The following DPYSL2 variants were observed in gnomAD, a reference collection of about 807,000 sequenced individuals.
DPYSL2 encodes the protein dihydropyrimidinase like 2, also known as dihydropyrimidinase-related protein 2.
DPYSL2 carries 13 observed loss-of-function variants against 69.9 expected under a neutral mutation model. The ratio of observed to expected loss-of-function variants is 0.19; its 90% CI spans 0.12 to 0.30. DPYSL2 has a LOEUF of 0.30. Ranked by LOEUF, DPYSL2 falls within the 10% of genes least tolerant of loss-of-function variation. DPYSL2 has a pLI of 1.00. For synonymous variants in DPYSL2, 326 were observed against 359.1 expected, an observed-to-expected ratio of 0.91 and a Z score of 1.04; for missense variants, 587 against 918.9, an observed-to-expected ratio of 0.64 and a Z score of 4.67.
rs1235165074 is a variant in DPYSL2, at chr8:26,562,826, T to G, written c.355-19143T>G. Among the ~76,000 whole-genome samples the G allele has an allele frequency of 6.6e-6, 1 of 152,196 alleles. No homozygotes were observed. Among genetic ancestry groups the G allele is most frequent in the Non-Finnish European group, 1.5e-5 (1 of 68,048 alleles). On this transcript the variant is annotated intron_variant, in intron 1 of 13. Coordinates refer to ENST00000521913, the MANE Select transcript of DPYSL2 (RefSeq NM_001197293.3). The surrounding 1 kb of genome is among the most constrained non-coding windows in gnomAD (Gnocchi z 4.9). ...AGGGCCGTATCTGGGAAAACTTGAA[T>G]GGCTTTGGGTGACTTGAACAACCGG...
In DPYSL2 at chr8:26,619,538, G is replaced by C. The variant is rs1802434175; in HGVS notation, c.629-4605G>C. The C allele has an allele frequency of 1.3e-5, 2 of 152,238 alleles. No individual in the cohort carries two copies. The highest frequency in any genetic ancestry group is 6.5e-5 in the Admixed American group (1 of 15,276). 9.4% of individuals were successfully genotyped at this position (152,238 alleles called of 1,614,324 possible). A position where few individuals can be genotyped will look rare whatever the true frequency, so the allele number is the denominator to read the frequency against. ...ACAGGCCCCTCGTGGTAAATGGAGA[G>C]CAGTGAATGGAGGTGGAGGGAGAAG... On this transcript the variant is annotated intron_variant, in intron 3 of 13. Coordinates refer to ENST00000521913, the MANE Select transcript of DPYSL2 (RefSeq NM_001197293.3). The surrounding 1 kb of genome is among the most constrained non-coding windows in gnomAD (Gnocchi z 4.8).
At chr8:26,645,297 G>A (rs546341673) in intron 10 of DPYSL2, among the ~76,000 whole-genome samples, 1 of 152,250 alleles carries the variant, frequency 6.6e-6, no homozygotes, top group Admixed American at 6.5e-5. Context: ...TACTCGGTGT[G>A]GGGGAGGCAG....
rs866258698 is a variant in DPYSL2 at position 26,516,071 on chromosome 8, C to A, written c.354+1392C>A. Among the ~76,000 whole-genome samples, 1 of 152,136 alleles carries A rather than the reference C, an allele frequency of 6.6e-6. No homozygotes were observed. Among genetic ancestry groups the A allele is most frequent in the South Asian group, 2.1e-4 (1 of 4,822 alleles). ...GCTTTTGACTTTTGTAGGGTCAAGT[C>A]TAGGAAAAACAAGGCATTTGCTGTC... On this transcript the variant is annotated intron_variant, in intron 1 of 13. Coordinates refer to ENST00000521913, the MANE Select transcript of DPYSL2 (RefSeq NM_001197293.3). The surrounding 1 kb of genome is among the most constrained non-coding windows in gnomAD (Gnocchi z 4.8).
intron 1 of DPYSL2, among the ~76,000 whole-genome samples, chr8:26,535,430 G>A (rs570005392): frequency 5.2e-4 from 79 of 152,100 alleles, no homozygotes; most frequent in African/African-American, 1.9e-3. Context: ...TTTGGAGCAC[G>A]GGCTGGCACA....
intron 1 of DPYSL2, among the ~76,000 whole-genome samples, chr8:26,568,268 G>A (rs1459316612): frequency 6.6e-6 from 1 of 152,164 alleles, no homozygotes; most frequent in Non-Finnish European, 1.5e-5. Context: ...CCTAGGTAGA[G>A]GGGCACAGTT....
chr8:26,587,942 C>T lies in DPYSL2; in HGVS notation c.628+3959C>T, dbSNP rs528784282. Among the ~76,000 whole-genome samples, 9 of 152,280 alleles carry T rather than the reference C, an allele frequency of 5.9e-5. No individual in the cohort carries two copies. The highest frequency in any genetic ancestry group is 4.1e-4 in the South Asian group (2 of 4,824). ...ACGACTTGCCAACACTTACCCTGTGCGTCGGTGCAGGTGGCCAGGTGTGGA... is the reference window on the plus strand; with the variant it reads ...ACGACTTGCCAACACTTACCCTGTGTGTCGGTGCAGGTGGCCAGGTGTGGA... On this transcript the variant is annotated intron_variant, in intron 3 of 13. Coordinates refer to ENST00000521913, the MANE Select transcript of DPYSL2 (RefSeq NM_001197293.3). This position sits in a 1 kb window ranked among gnomAD's most constrained non-coding sequence, Gnocchi z 4.2.
chr8:26,622,185 CT>C (rs1431571870), intron 3 of DPYSL2, among the ~76,000 whole-genome samples: 1 of 127,246 alleles, frequency 7.9e-6, no homozygotes, highest in Non-Finnish European at 1.6e-5. Context: ...TTCTTTCTTT[CT>C]TTTATTTTTG....
At chr8:26,589,776 C>T (rs1013315710) in intron 3 of DPYSL2, among the ~76,000 whole-genome samples, 2 of 152,244 alleles carry the variant, frequency 1.3e-5, no homozygotes, top group Non-Finnish European at 2.9e-5. Flanking sequence ...GGAACAGCAG[C>T]TCTCTCATTG....
intron 1 of DPYSL2, chr8:26,578,631 A>G (rs1801414686): frequency 8.6e-7 from 1 of 1,163,062 alleles, no homozygotes; most frequent in Admixed American, 4.5e-5. Context: ...TTGAATATGC[A>G]TGCCTGGAGC....
rs117092033 is a variant in DPYSL2, at chr8:26,581,727, C to T, written c.355-242C>T. On this transcript the variant is annotated intron_variant, in intron 1 of 13. Coordinates refer to ENST00000521913, the MANE Select transcript of DPYSL2 (RefSeq NM_001197293.3). ...CTGCTTTTTTTTTTTCTTTGGAGTCCAAGGTCTAATTGAAAGAGATGGTTC... is the reference window on the plus strand; with the variant it reads ...CTGCTTTTTTTTTTTCTTTGGAGTCTAAGGTCTAATTGAAAGAGATGGTTC... Among the ~76,000 whole-genome samples the T allele has an allele frequency of 5.9e-5, 9 of 151,718 alleles. No homozygotes were observed. In the East Asian group the frequency reaches 1.5e-3, roughly 26 times the overall value.
At chr8:26,574,580 G>A (rs767250894) in intron 1 of DPYSL2, among the ~76,000 whole-genome samples, 2 of 152,152 alleles carry the variant, frequency 1.3e-5, no homozygotes, top group African/African-American at 2.4e-5. Flanking sequence ...TGTGATTGCG[G>A]AACAGGCAAT....
At chr8:26,602,928 A>T (rs1287090046) in intron 3 of DPYSL2, among the ~76,000 whole-genome samples, 1 of 152,220 alleles carries the variant, frequency 6.6e-6, no homozygotes, top group African/African-American at 2.4e-5. Context: ...CTGACCCTTG[A>T]AAGCCGGCTC....
rs550196475 is a variant in DPYSL2, at chr8:26,631,938, T to A, written c.1006-2842T>A. Among the ~76,000 whole-genome samples the A allele has an allele frequency of 2.0e-5, 3 of 152,324 alleles. No homozygotes were observed. The East Asian group carries it at 5.8e-4, about 29-fold the overall frequency. ...AAAGAGAACAAGTATGGAACAATTT[T>A]GTGTGAATTTTAGCTTCCCAGTCTA... is the stretch of plus-strand genomic sequence containing the variant. On this transcript the variant is annotated intron_variant, in intron 7 of 13. Transcript: ENST00000521913.
At chr8:26,581,882 T>G (rs914555624) in intron 1 of DPYSL2, 87 bp from the exon 2 acceptor site, 10 of 1,057,328 alleles carry the variant, frequency 9.5e-6, no homozygotes, top group African/African-American at 3.1e-5. Context: ...TTTTGAACAG[T>G]GAAAATGTAT....
intron 1 of DPYSL2, among the ~76,000 whole-genome samples, chr8:26,555,582 A>C (rs1350830210): frequency 1.3e-5 from 2 of 152,098 alleles, no homozygotes; most frequent in Admixed American, 6.6e-5. Flanking sequence ...CCCTATGCAC[A>C]AAATCAAAGA....
intron 1 of DPYSL2, among the ~76,000 whole-genome samples, chr8:26,556,686 CCA>C (rs1382506002): frequency 1.3e-5 from 2 of 151,750 alleles, no homozygotes; most frequent in Non-Finnish European, 2.9e-5. Flanking sequence ...CCGGTTTGAT[CCA>C]CACATTAGAT....
rs1399859285 is a variant in DPYSL2, at chr8:26,657,845, T to A, written c.*2139T>A. Reference sequence around the variant, plus strand: ...TTTACCTGTTGGCTTGCTTTGTGTGTCTGTTAAATGAATGTCATATGTAAA... The same window carrying A: ...TTTACCTGTTGGCTTGCTTTGTGTGACTGTTAAATGAATGTCATATGTAAA... On this transcript the variant is annotated 3_prime_UTR_variant, in exon 14 of 14. Transcript: ENST00000521913. 4 of 152,634 alleles carry A rather than the reference T, an allele frequency of 2.6e-5. No individual in the cohort carries two copies. 9.5% of individuals were successfully genotyped at this position (152,634 alleles called of 1,614,324 possible). A position where few individuals can be genotyped will look rare whatever the true frequency, so the allele number is the denominator to read the frequency against.
intron 3 of DPYSL2, among the ~76,000 whole-genome samples, chr8:26,604,793 C>T (rs187688838): frequency 1.3e-5 from 2 of 152,080 alleles, no homozygotes; most frequent in African/African-American, 2.4e-5. Flanking sequence ...TCCCAAGTAG[C>T]TGGGATTGCA....
Position 26,517,982 on chromosome 8 carries a change from G to T in DPYSL2, c.354+3303G>T, listed in dbSNP as rs1226945902. On this transcript the variant is annotated intron_variant, in intron 1 of 13. Transcript: ENST00000521913. The surrounding 1 kb of genome is among the most constrained non-coding windows in gnomAD (Gnocchi z 4.2). The stretch of plus-strand genomic sequence containing the variant: ...CCATCCCCATAGCATGCCCCTTCTA[G>T]ACCTTTCTTCTTCCAAAGGGCAACA... Among the ~76,000 whole-genome samples, 2 of 152,174 alleles carry T rather than the reference G, an allele frequency of 1.3e-5. No homozygotes were observed. Among genetic ancestry groups the T allele is most frequent in the African/African-American group, 4.8e-5 (2 of 41,448 alleles).
Sources: gnomAD v4.1 joint callset for allele counts (sites outside exome capture counted in the v4.1 genomes callset) on GRCh38, gnomAD v4.1.1 for gene constraint, Gnocchi (gnomAD v3.1) non-coding constraint, MANE v1.5 for transcripts, NCBI Gene and HGNC (gene_info 2026-07-23, HGNC 2026-07-21) for gene names.